CDCA2: variants seen among roughly 807,000 people sequenced by gnomAD.
CDCA2 encodes cell division cycle-associated protein 2.
Under a neutral mutation model 67.0 loss-of-function variants are expected in CDCA2, and 44 were observed. The observed-to-expected ratio is 0.66, with a 90% CI of 0.52 to 0.84. CDCA2 has a LOEUF of 0.84. Ranked by LOEUF, CDCA2 falls within the 40% of genes least tolerant of loss-of-function variation. The pLI is 0.00. For missense variants in CDCA2, 1,253 were observed against 1,203.2 expected (o/e 1.04, Z -0.61); for synonymous variants, 447 against 418.7 (o/e 1.07, Z -0.82).
At chr8:25,463,815 C>T (rs1297576509) in intron 4 of CDCA2, among the ~76,000 whole-genome samples, 3 of 152,170 alleles carry the variant, frequency 2.0e-5, no homozygotes, top group Admixed American at 1.3e-4. Context: ...TGCCTTCGTA[C>T]GCCCACTCTA....
chr8:25,507,548 A>G lies in CDCA2; in HGVS notation c.2882A>G (p.Gln961Arg). The change falls in exon 15 of 15, where the codon CAG (glutamine) becomes CGG (arginine). Residue 961 changes from glutamine to arginine, a missense_variant. By Grantham distance (43) the Gln-to-Arg change is conservative (BLOSUM62 1). Coordinates refer to ENST00000330560, the MANE Select transcript of CDCA2 (RefSeq NM_152562.4). ...CCCGTCTCAGATCCAGAAAACAGCC[A>G]GGGCCCTGCTGCTGGTTCTTCCGAT... ...APPVSDPENSQGPAAGSSDEP... is the reference protein window; with the variant it reads ...APPVSDPENSRGPAAGSSDEP... 1 of 1,614,076 alleles carries G rather than the reference A, an allele frequency of 6.2e-7. No homozygotes were observed. Among genetic ancestry groups the G allele is most frequent in the Non-Finnish European group, 8.5e-7 (1 of 1,179,956 alleles).
chr8:25,479,965 G>T lies in CDCA2; in HGVS notation c.873G>T (p.Ser291=). Reference sequence around the variant, plus strand: ...GCAAAGGATCAAGTGATGCCGTTTCGCCTGACACGTTCACAGCAGAAGTGA... The same window carrying T: ...GCAAAGGATCAAGTGATGCCGTTTCTCCTGACACGTTCACAGCAGAAGTGA... The part of the protein sequence containing the change: ...VVGKGSSDAV[S]PDTFTAEVSS... The change falls in exon 8 of 15, where the codon TCG becomes TCT. Residue 291 remains serine, a synonymous_variant. Coordinates refer to ENST00000330560, the MANE Select transcript of CDCA2 (RefSeq NM_152562.4). 2.5e-6 allele frequency: 4 copies of T among 1,614,016 alleles called. No individual in the cohort carries two copies. The highest frequency in any genetic ancestry group is 2.2e-5 in the South Asian group (2 of 91,078).
At chr8:25,465,796 A>G (rs2093718086) in intron 4 of CDCA2, among the ~76,000 whole-genome samples, 1 of 152,188 alleles carries the variant, frequency 6.6e-6, no homozygotes, top group South Asian at 2.1e-4. Context: ...TGAAGGAGGT[A>G]TGCTGAGACT....
Position 25,495,662 on chromosome 8 carries a change from C to T in CDCA2, c.1671+6973C>T, listed in dbSNP as rs781506453. Among the ~76,000 whole-genome samples, 15 of 152,166 alleles carry T rather than the reference C, an allele frequency of 9.9e-5. 1 individual carries two copies. Among genetic ancestry groups the T allele is most frequent in the Non-Finnish European group, 1.9e-4 (13 of 68,000 alleles). Reference sequence around the variant, plus strand: ...GTCTCGATCTGCTGACCTCGTGATCCGCCCACCTCGGCCTCCCAAAGTGCT... The same window carrying T: ...GTCTCGATCTGCTGACCTCGTGATCTGCCCACCTCGGCCTCCCAAAGTGCT... On this transcript the variant is annotated intron_variant, in intron 13 of 14. Coordinates refer to ENST00000330560, the MANE Select transcript of CDCA2 (RefSeq NM_152562.4).
rs776457934 is a variant in CDCA2 at position 25,488,683 on chromosome 8, G to A, written c.1665G>A (p.Lys555=). ...TKCTKRALPK[K]SQVLKSCRKK... ...GTACAAAGAGAGCACTTCCTAAGAAGAGTCAGGTAAGCATGTGTTTAAAGA... is the reference window on the plus strand; with the variant it reads ...GTACAAAGAGAGCACTTCCTAAGAAAAGTCAGGTAAGCATGTGTTTAAAGA... Residue 555 remains lysine (K), a synonymous_variant, in exon 13 of 15, where the codon AAG becomes AAA. Coordinates refer to ENST00000330560, the MANE Select transcript of CDCA2 (RefSeq NM_152562.4). 13 of 1,604,420 alleles carry A rather than the reference G, an allele frequency of 8.1e-6. No homozygotes were observed. The highest frequency in any genetic ancestry group is 2.2e-5 in the South Asian group (2 of 89,260).
Position 25,507,626 on chromosome 8 carries a change from A to C in CDCA2, c.2960A>C (p.Lys987Thr), listed in dbSNP as rs1023784691. ...SFCISTLANTKATSQFKGYRR... is the reference protein window; with the variant it reads ...SFCISTLANTTATSQFKGYRR... The stretch of plus-strand genomic sequence containing the variant: ...TGTATATCTACACTTGCAAATACTA[A>C]AGCCACTTCCCAGTTCAAAGGCTAC... Residue 987 changes from lysine (K) to threonine (T), a missense_variant, in exon 15 of 15, where the codon AAA (lysine) becomes ACA (threonine). Physicochemically the swap from Lys to Thr is moderately conservative, Grantham distance 78. Coordinates refer to ENST00000330560, the MANE Select transcript of CDCA2 (RefSeq NM_152562.4). 50 of 1,614,190 alleles carry C rather than the reference A, an allele frequency of 3.1e-5. No individual in the cohort carries two copies. The highest frequency in any genetic ancestry group is 4.1e-5 in the Non-Finnish European group (48 of 1,180,020).
intron 4 of CDCA2, 68 bp downstream of exon 4, chr8:25,462,276 C>T: frequency 6.8e-7 from 1 of 1,469,090 alleles, no homozygotes; most frequent in East Asian, 2.3e-5. Context: ...TTTACACCTT[C>T]TAGTGCATCT....
At chr8:25,482,143 G>A (rs1803595867) in intron 8 of CDCA2, among the ~76,000 whole-genome samples, 1 of 152,060 alleles carries the variant, frequency 6.6e-6, no homozygotes, top group African/African-American at 2.4e-5. Context: ...TTTTATACAG[G>A]GCTTACAATA....
intron 4 of CDCA2, 71 bp downstream of exon 4, chr8:25,462,279 G>A: frequency 1.4e-6 from 2 of 1,466,844 alleles, no homozygotes; most frequent in Non-Finnish European, 9.5e-7. Flanking sequence ...ACACCTTCTA[G>A]TGCATCTGCT....
intron 3 of CDCA2, 26 bp downstream of exon 3, chr8:25,460,580 A>G: frequency 6.3e-7 from 1 of 1,590,592 alleles, no homozygotes; most frequent in Non-Finnish European, 8.5e-7. Context: ...ATTCTGTTGT[A>G]ATGCTTTTCA....
intron 13 of CDCA2, among the ~76,000 whole-genome samples, chr8:25,499,543 A>G (rs898412860): frequency 6.6e-6 from 1 of 151,896 alleles, no homozygotes; most frequent in African/African-American, 2.4e-5. Context: ...AGCTCAAGCA[A>G]CCCACCCACC....
At position 25,487,375 on chromosome 8, in the gene CDCA2, C is replaced by T. The variant is rs200163913; in HGVS notation, c.1533+41C>T. On this transcript the variant is annotated intron_variant, in intron 12 of 14. Transcript: ENST00000330560. ...TGGCACAACGTATTTGTTTTTAAATCGTGCAATATACTTTTCTGTTTTCAT... is the reference window on the plus strand; with the variant it reads ...TGGCACAACGTATTTGTTTTTAAATTGTGCAATATACTTTTCTGTTTTCAT... 9.1e-5 allele frequency: 118 copies of T among 1,295,642 alleles called. No homozygotes were observed. In the East Asian group the frequency reaches 2.5e-3, roughly 28 times the overall value. 80.3% of individuals were successfully genotyped at this position (1,295,642 alleles called of 1,614,324 possible).
chr8:25,479,974 G>C lies in CDCA2; in HGVS notation c.882G>C (p.Thr294=). ...KGSSDAVSPD[T]FTAEVSSDAV... ...CAAGTGATGCCGTTTCGCCTGACAC[G>C]TTCACAGCAGAAGTGAGCTCAGACG... is the stretch of plus-strand genomic sequence containing the variant. Residue 294 remains threonine (T), a synonymous_variant, in exon 8 of 15, where the codon ACG becomes ACC. Coordinates refer to ENST00000330560, the MANE Select transcript of CDCA2 (RefSeq NM_152562.4). 6.2e-7 allele frequency: 1 copy of C among 1,614,126 alleles called. No homozygotes were observed. The highest frequency in any genetic ancestry group is 8.5e-7 in the Non-Finnish European group (1 of 1,180,038).
chr8:25,466,289 T>C lies in CDCA2; in HGVS notation c.502T>C (p.Ser168Pro). 6.2e-7 allele frequency: 1 copy of C among 1,609,726 alleles called. No homozygotes were observed. The highest frequency in any genetic ancestry group is 8.5e-7 in the Non-Finnish European group (1 of 1,178,928). The part of the protein sequence containing the change: ...NEKMTGCLEF[S>P]EAGKESEMTD... ...GAAAATGACCGGCTGTCTGGAATTC[T>C]CAGAGGCAGGAAAAGAGTCCGAGAT... Residue 168 changes from serine (S) to proline (P), a missense_variant, in exon 5 of 15, where the codon TCA becomes CCA. Ser to Pro is a moderately conservative substitution (Grantham distance 74, BLOSUM62 -1). Coordinates refer to ENST00000330560, the MANE Select transcript of CDCA2 (RefSeq NM_152562.4).
intron 5 of CDCA2, among the ~76,000 whole-genome samples, chr8:25,467,851 G>T (rs967162300): frequency 3.3e-5 from 5 of 152,022 alleles, no homozygotes; most frequent in Admixed American, 6.6e-5. Context: ...GGGCGTGGTG[G>T]CTCATGCCTG....
chr8:25,462,345 G>T (rs1316915454), intron 4 of CDCA2, 137 bp downstream of exon 4: 7 of 950,992 alleles, frequency 7.4e-6, no homozygotes, highest in Non-Finnish European at 9.4e-6. Flanking sequence ...TGCAGTTAGC[G>T]GCCGGGCGCG....
At chr8:25,477,808 A>AT (rs1803408731) in intron 7 of CDCA2, among the ~76,000 whole-genome samples, 1 of 151,908 alleles carries the variant, frequency 6.6e-6, no homozygotes, top group Admixed American at 6.6e-5. Flanking sequence ...GGTCTTGATG[A>AT]TTTTTTCCTT....
At chr8:25,504,824 C>A (rs561251792) in intron 14 of CDCA2, among the ~76,000 whole-genome samples, 57 of 152,198 alleles carry the variant, frequency 3.7e-4, no homozygotes, top group Non-Finnish European at 5.4e-4. Flanking sequence ...CTGCAACATA[C>A]TTCCATCACC....
intron 9 of CDCA2, 87 bp downstream of exon 9, chr8:25,483,573 C>A: frequency 1.1e-6 from 1 of 886,814 alleles, no homozygotes; most frequent in Non-Finnish European, 1.8e-6. Context: ...TTTCAATGAT[C>A]TATAATGCCT....
Sources: gnomAD v4.1 joint callset for allele counts (sites outside exome capture counted in the v4.1 genomes callset) on GRCh38, gnomAD v4.1.1 for gene constraint, MANE v1.5 for transcripts, NCBI Gene and HGNC (gene_info 2026-07-23, HGNC 2026-07-21) for gene names.